ATL1: variants seen among roughly 807,000 people sequenced by gnomAD.
ATL1 encodes atlastin GTPase 1, also known as atlastin-1.
A neutral mutation model predicts 75.5 loss-of-function variants in ATL1; 31 were observed. That is an observed-to-expected ratio of 0.41 (90% CI 0.31 to 0.55). The LOEUF is 0.55. ATL1 is among the 20% of genes least tolerant of loss of function. ATL1 has a pLI of 0.27. For missense variants in ATL1, 405 were observed against 662.6 expected, an observed-to-expected ratio of 0.61 and a Z score of 4.27; for synonymous variants, 226 against 233.3, an observed-to-expected ratio of 0.97 and a Z score of 0.28.
intron 1 of ATL1, among the ~76,000 whole-genome samples, chr14:50,568,329 G>A (rs891490680): frequency 2.6e-5 from 4 of 152,088 alleles, no homozygotes; most frequent in African/African-American, 9.7e-5. Flanking sequence ...CCAGGAGTTT[G>A]AGGCTATAAT....
At chr14:50,592,258 T>C (rs1474473019) in intron 4 of ATL1, among the ~76,000 whole-genome samples, 1 of 152,178 alleles carries the variant, frequency 6.6e-6, no homozygotes, top group Non-Finnish European at 1.5e-5. Context: ...ATAAAAGATT[T>C]TAAGACTATT....
intron 6 of ATL1, among the ~76,000 whole-genome samples, chr14:50,596,073 T>A (rs964663040): frequency 6.6e-6 from 1 of 152,254 alleles, no homozygotes; most frequent in African/African-American, 2.4e-5. Context: ...ACATACTAAG[T>A]GAAGGAAAAC....
chr14:50,558,520 AT>A (rs1212324623), upstream of ATL1, among the ~76,000 whole-genome samples: 1 of 152,196 alleles, frequency 6.6e-6, no homozygotes, highest in African/African-American at 2.4e-5. Flanking sequence ...TTATTTAAGC[AT>A]TTTTTTGTGA....
At chr14:50,592,554 T>G (rs1026826183) in intron 4 of ATL1, among the ~76,000 whole-genome samples, 1 of 149,074 alleles carries the variant, frequency 6.7e-6, no homozygotes, top group Non-Finnish European at 1.5e-5. Context: ...AAAAAAAAAG[T>G]CATGGTTATA....
intron 1 of ATL1, among the ~76,000 whole-genome samples, chr14:50,544,672 A>G (rs1169347325): frequency 1.3e-5 from 2 of 152,130 alleles, no homozygotes; most frequent in African/African-American, 4.8e-5. Flanking sequence ...GGTGGCTCAC[A>G]CTTGTAATCT....
At chr14:50,538,361 A>G (rs1034458152) in intron 1 of ATL1, among the ~76,000 whole-genome samples, 1 of 152,186 alleles carries the variant, frequency 6.6e-6, no homozygotes, top group Non-Finnish European at 1.5e-5. Context: ...CGTCTTTATC[A>G]GCAGTGTGAA....
intron 1 of ATL1, among the ~76,000 whole-genome samples, chr14:50,580,239 A>G (rs1444823163): frequency 6.6e-6 from 1 of 152,184 alleles, no homozygotes; most frequent in African/African-American, 2.4e-5. Flanking sequence ...AAACTGCTAT[A>G]AACATATTTG....
intron 1 of ATL1, among the ~76,000 whole-genome samples, chr14:50,547,151 A>C (rs562258275): frequency 2.0e-5 from 3 of 152,354 alleles, no homozygotes; most frequent in East Asian, 3.9e-4. Context: ...ATAAGTTAGA[A>C]TAGTGATTAG....
chr14:50,619,848 C>T (rs940113320), intron 8 of ATL1, among the ~76,000 whole-genome samples: 9 of 152,114 alleles, frequency 5.9e-5, no homozygotes, highest in African/African-American at 1.2e-4. Flanking sequence ...ACGCTATGCA[C>T]GGAGCAATTT....
intron 1 of ATL1, among the ~76,000 whole-genome samples, chr14:50,536,273 C>T (rs891186252): frequency 6.6e-6 from 1 of 152,012 alleles, no homozygotes; most frequent in African/African-American, 2.4e-5. Flanking sequence ...CCCATCTCTG[C>T]TAAAACTACA....
At chr14:50,605,724 C>T (rs895436045) in intron 6 of ATL1, among the ~76,000 whole-genome samples, 1 of 151,960 alleles carries the variant, frequency 6.6e-6, no homozygotes, top group African/African-American at 2.4e-5. Flanking sequence ...TTTAAGTATT[C>T]TCCTGGTCTT....
intron 3 of ATL1, 42 bp downstream of exon 3, chr14:50,591,117 T>C (rs1458234086): frequency 1.9e-6 from 3 of 1,584,552 alleles, no homozygotes; most frequent in Non-Finnish European, 2.6e-6. Context: ...TTTTCACTTA[T>C]AACAGTTACT....
chr14:50,609,013 A>T (rs1310773238), intron 6 of ATL1, among the ~76,000 whole-genome samples: 1 of 151,984 alleles, frequency 6.6e-6, no homozygotes, highest in East Asian at 1.9e-4. Flanking sequence ...GCTCCATCTT[A>T]TGGGAGCAAG....
chr14:50,622,870 G>A (rs1295653102), intron 10 of ATL1, among the ~76,000 whole-genome samples: 1 of 151,842 alleles, frequency 6.6e-6, no homozygotes, highest in Non-Finnish European at 1.5e-5. Flanking sequence ...CATGAGTTTG[G>A]GTTTATGATT....
At chr14:50,596,492 T>C (rs1437866773) in intron 6 of ATL1, among the ~76,000 whole-genome samples, 1 of 152,204 alleles carries the variant, frequency 6.6e-6, no homozygotes, top group Non-Finnish European at 1.5e-5. Flanking sequence ...TGCTTTATGG[T>C]ACATGCATAG....
chr14:50,613,464 C>T (rs572376649), intron 7 of ATL1, 113 bp downstream of exon 7: 39 of 775,584 alleles, frequency 5.0e-5, no homozygotes, highest in Non-Finnish European at 7.9e-5. Flanking sequence ...CATTTGTTAT[C>T]GATATTAATG....
rs1555365873 is a variant in ATL1 at position 50,628,345 on chromosome 14, T to C, written c.1434T>C (p.Asn478=). The change falls in exon 12 of 14, where the codon AAT becomes AAC. Residue 478 remains asparagine (N), a synonymous_variant. Transcript: ENST00000358385. Reference sequence around the variant, plus strand: ...TGGACATCATAGCTAGCCTATGCAATATGATAATGGGACTGACCCTTATCA... The same window carrying C: ...TGGACATCATAGCTAGCCTATGCAACATGATAATGGGACTGACCCTTATCA... The part of the protein sequence containing the change: ...IGLDIIASLC[N]MIMGLTLITL... The C allele has an allele frequency of 1.2e-6, 2 of 1,614,170 alleles. No homozygotes were observed. The highest frequency in any genetic ancestry group is 1.7e-5 in the Admixed American group (1 of 60,020).
At chr14:50,568,648 G>T (rs145384664) in intron 1 of ATL1, among the ~76,000 whole-genome samples, 60 of 152,266 alleles carry the variant, frequency 3.9e-4, no homozygotes, top group African/African-American at 1.4e-3. Flanking sequence ...TTTGATTGGA[G>T]AGTTTATATC....
chr14:50,575,511 G>A (rs983239501), intron 1 of ATL1, among the ~76,000 whole-genome samples: 1 of 152,034 alleles, frequency 6.6e-6, no homozygotes, highest in African/African-American at 2.4e-5. Context: ...GTTTGTCTCT[G>A]TATAAACTCT....
Sources: gnomAD v4.1 joint callset for allele counts (sites outside exome capture counted in the v4.1 genomes callset) on GRCh38, gnomAD v4.1.1 for gene constraint, MANE v1.5 for transcripts, NCBI Gene and HGNC (gene_info 2026-07-23, HGNC 2026-07-21) for gene names.